Variants in OPCML observed in about 807,000 individuals in gnomAD.
OPCML encodes the protein opioid-binding protein/cell adhesion molecule.
A neutral mutation model predicts 37.8 loss-of-function variants in OPCML; 13 were observed. The observed-to-expected ratio is 0.34, with a 90% CI of 0.22 to 0.55. The LOEUF (loss-of-function observed/expected upper bound fraction) is 0.55. Among genes scored for constraint, OPCML ranks in the 20% least tolerant of loss-of-function variants. The probability of loss-of-function intolerance (pLI) is 0.91; values close to 1 mark genes in which losing one functional copy is unlikely to be tolerated. For missense variants in OPCML, 341 were observed against 435.6 expected (o/e 0.78, Z 1.93); for synonymous variants, 176 against 168.8 (o/e 1.04, Z -0.33).
At chr11:133,178,241 C>T (rs184649722) in intron 1 of OPCML, among the ~76,000 whole-genome samples, 40 of 152,168 alleles carry the variant, frequency 2.6e-4, no homozygotes, top group African/African-American at 9.2e-4. Context: ...TTTGGAAGCA[C>T]GGCCTCTCTG....
intron 2 of OPCML, among the ~76,000 whole-genome samples, chr11:132,899,986 G>GT (rs1943992584): frequency 6.6e-6 from 1 of 152,042 alleles, no homozygotes; most frequent in African/African-American, 2.4e-5. Flanking sequence ...GCATTCCAGG[G>GT]TCCCCCATAT....
At chr11:132,496,605 G>T (rs1219845868) in intron 4 of OPCML, among the ~76,000 whole-genome samples, 2 of 152,222 alleles carry the variant, frequency 1.3e-5, no homozygotes, top group Non-Finnish European at 2.9e-5. Context: ...TCTGAAATCT[G>T]ATTCTGACAG....
chr11:132,944,233 G>T (rs893402088), intron 1 of OPCML, among the ~76,000 whole-genome samples: 2 of 152,182 alleles, frequency 1.3e-5, no homozygotes, highest in Non-Finnish European at 2.9e-5. Context: ...GGGAGAGGGA[G>T]TTCTGGGGAA....
chr11:132,583,376 G>T (rs1379780743), intron 3 of OPCML, among the ~76,000 whole-genome samples: 1 of 152,078 alleles, frequency 6.6e-6, no homozygotes, highest in East Asian at 1.9e-4. Flanking sequence ...ATGGCTTATT[G>T]TAGCCTCGAA....
chr11:133,047,366 G>A (rs939290018), intron 1 of OPCML, among the ~76,000 whole-genome samples: 3 of 152,278 alleles, frequency 2.0e-5, no homozygotes, highest in African/African-American at 4.8e-5. Context: ...TGGTGTAGCC[G>A]CGATTGCATT....
chr11:132,867,741 C>G (rs1359625165), intron 2 of OPCML, among the ~76,000 whole-genome samples: 1 of 152,186 alleles, frequency 6.6e-6, no homozygotes, highest in Non-Finnish European at 1.5e-5. Flanking sequence ...TTCCTTGGAT[C>G]TCTCTGCCCA....
intron 1 of OPCML, among the ~76,000 whole-genome samples, chr11:133,125,695 AGTATATATATAGT>A (rs1332950954): frequency 0.021 from 557 of 26,108 alleles, 12 homozygotes; most frequent in African/African-American, 0.056. Context: ...TAGTATATAT[AGTATATATATAGT>A]GTATATATAT....
intron 3 of OPCML, among the ~76,000 whole-genome samples, chr11:132,563,233 C>T (rs2096414512): frequency 6.6e-6 from 1 of 152,168 alleles, no homozygotes; most frequent in African/African-American, 2.4e-5. Flanking sequence ...TTAGGATCTG[C>T]AGCCAGGGAG....
intron 1 of OPCML, among the ~76,000 whole-genome samples, chr11:133,147,030 C>A (rs1949907473): frequency 1.3e-5 from 2 of 152,216 alleles, no homozygotes; most frequent in Non-Finnish European, 2.9e-5. Flanking sequence ...AAATAAATGT[C>A]TCCAAGGCAG....
intron 4 of OPCML, among the ~76,000 whole-genome samples, chr11:132,511,266 G>A (rs1436931965): frequency 2.0e-5 from 3 of 151,856 alleles, no homozygotes; most frequent in Middle Eastern, 6.3e-3. Flanking sequence ...ACACTGTTGA[G>A]AAAAATTAGC....
At chr11:132,786,540 A>G (rs1261256333) in intron 2 of OPCML, among the ~76,000 whole-genome samples, 2 of 152,174 alleles carry the variant, frequency 1.3e-5, no homozygotes, top group Non-Finnish European at 2.9e-5. Flanking sequence ...TGGCAAGTAG[A>G]GATAATAACA....
chr11:132,495,878 G>A (rs549975898), intron 4 of OPCML, among the ~76,000 whole-genome samples: 4 of 145,204 alleles, frequency 2.8e-5, no homozygotes, highest in African/African-American at 1.0e-4. Flanking sequence ...CTGGGCAACA[G>A]AGTGAGACTC....
At chr11:133,271,874 G>T (rs1027055388) in intron 1 of OPCML, among the ~76,000 whole-genome samples, 3 of 152,184 alleles carry the variant, frequency 2.0e-5, no homozygotes, top group Non-Finnish European at 4.4e-5. Context: ...CACTCGGCAG[G>T]ATGCTCAATC....
intron 1 of OPCML, among the ~76,000 whole-genome samples, chr11:133,489,085 A>T (rs1462059302): frequency 1.3e-5 from 2 of 152,120 alleles, no homozygotes; most frequent in Non-Finnish European, 2.9e-5. Context: ...CTCAAGATGG[A>T]TTAAAGACCT....
intron 3 of OPCML, among the ~76,000 whole-genome samples, chr11:132,633,581 C>T (rs573165169): frequency 2.0e-5 from 3 of 152,234 alleles, no homozygotes; most frequent in South Asian, 4.2e-4. Context: ...CTGAGCCTGG[C>T]CTCTTACGCT....
intron 1 of OPCML, among the ~76,000 whole-genome samples, chr11:133,055,171 T>C (rs61910333): frequency 2.2e-3 from 79 of 36,170 alleles, no homozygotes; most frequent in African/African-American, 2.9e-3. Context: ...CTCTACCATA[T>C]AATGCTGCCT....
intron 1 of OPCML, among the ~76,000 whole-genome samples, chr11:133,429,191 A>G (rs1310214568): frequency 6.6e-6 from 1 of 152,230 alleles, no homozygotes; most frequent in African/African-American, 2.4e-5. Flanking sequence ...TTACCCATCC[A>G]TATATCTTGG....
chr11:133,231,293 G>A (rs1490725427), intron 1 of OPCML, among the ~76,000 whole-genome samples: 3 of 152,134 alleles, frequency 2.0e-5, no homozygotes, highest in Non-Finnish European at 4.4e-5. Context: ...GTAACAGGCA[G>A]TGTAGCAGCA....
At chr11:133,513,379 G>C (rs1389698380) in intron 1 of OPCML, among the ~76,000 whole-genome samples, 2 of 152,154 alleles carry the variant, frequency 1.3e-5, no homozygotes, top group Non-Finnish European at 2.9e-5. Flanking sequence ...CAATTTGGAG[G>C]TTGGCTTGGA....
Sources: allele counts gnomAD v4.1 joint callset (sites outside exome capture counted in the v4.1 genomes callset), GRCh38; gene constraint gnomAD v4.1.1; transcripts MANE v1.5; gene names NCBI Gene and HGNC (gene_info 2026-07-23, HGNC 2026-07-21).